SLIT2: variants seen among roughly 807,000 people sequenced by gnomAD.
The protein encoded by SLIT2 is slit guidance ligand 2.
SLIT2 carries 41 observed loss-of-function variants against 185.7 expected under a neutral mutation model. That is an observed-to-expected ratio of 0.22 (90% confidence interval 0.17 to 0.29). The LOEUF is 0.29. Among genes scored for constraint, SLIT2 ranks in the 10% least tolerant of loss-of-function variants. SLIT2 has a pLI of 1.00. For synonymous variants in SLIT2, 693 were observed against 680.2 expected (o/e 1.02, Z -0.29); for missense variants, 1,571 against 1,909.0 (o/e 0.82, Z 3.30).
chr4:20,575,908 G>A (rs943364917), intron 29 of SLIT2, among the ~76,000 whole-genome samples: 10 of 151,374 alleles, frequency 6.6e-5, no homozygotes, highest in Non-Finnish European at 2.9e-5. Flanking sequence ...TAGGTAAGGG[G>A]AAAAGTTCGG....
chr4:20,461,282 G>T (rs567710107), intron 4 of SLIT2, among the ~76,000 whole-genome samples: 6 of 152,194 alleles, frequency 3.9e-5, no homozygotes, highest in Non-Finnish European at 8.8e-5. Flanking sequence ...AAGGAATGAG[G>T]TGGAAATAGA....
intron 9 of SLIT2, among the ~76,000 whole-genome samples, chr4:20,501,290 T>C (rs1024988932): frequency 5.3e-5 from 8 of 152,106 alleles, no homozygotes; most frequent in Non-Finnish European, 1.0e-4. Flanking sequence ...ATGTTAATTT[T>C]TTTTGGGGGG....
At position 20,567,276 on chromosome 4, in the gene SLIT2, A is replaced by G; in HGVS notation, c.2740A>G (p.Asn914Asp). 6.2e-7 allele frequency: 1 copy of G among 1,609,336 alleles called. No homozygotes were observed. ...TTAATTTTCAGGTCCTGTGGATGTC[A>G]ATATTCTAGCTAAGTGTAACCCCTG... Reference protein sequence around the residue: ...KFTCQGPVDVNILAKCNPCLS... With the variant: ...KFTCQGPVDVDILAKCNPCLS... Residue 914 changes from asparagine to aspartate, a missense_variant, in exon 27 of 37, where the codon AAT (asparagine) becomes GAT (aspartate). By Grantham distance (23) the Asn-to-Asp change is conservative. This residue lies in a region of SLIT2 where 1,202 missense variants were observed against 1,416.4 expected (regional missense o/e 0.85). Coordinates refer to ENST00000504154, the MANE Select transcript of SLIT2 (RefSeq NM_004787.4).
At chr4:20,367,239 G>A (rs1199534837) in intron 4 of SLIT2, among the ~76,000 whole-genome samples, 2 of 152,140 alleles carry the variant, frequency 1.3e-5, no homozygotes, top group Non-Finnish European at 2.9e-5. Context: ...TGCTTACTCT[G>A]TGATAAGGCA....
Position 20,254,139 on chromosome 4 carries a change from C to A in SLIT2, c.179+145C>A. On this transcript the variant is annotated intron_variant, in intron 1 of 36. Coordinates refer to ENST00000504154, the MANE Select transcript of SLIT2 (RefSeq NM_004787.4). This position sits in a 1 kb window ranked among gnomAD's most constrained non-coding sequence, Gnocchi z 5.1. ...ATGCACATCCTGGGGTTGAGCTCTCCGGGAGGGCACTGGCCAGGGAAGGGC... is the reference window on the plus strand; with the variant it reads ...ATGCACATCCTGGGGTTGAGCTCTCAGGGAGGGCACTGGCCAGGGAAGGGC... 3 of 818,502 alleles carry A rather than the reference C, an allele frequency of 3.7e-6. No individual in the cohort carries two copies. Among genetic ancestry groups the A allele is most frequent in the Non-Finnish European group, 5.7e-6 (3 of 527,344 alleles). 50.7% of individuals were successfully genotyped at this position (818,502 alleles called of 1,614,324 possible).
At chr4:20,545,214 G>GTA (rs1333818144) in intron 21 of SLIT2, among the ~76,000 whole-genome samples, 1 of 152,008 alleles carries the variant, frequency 6.6e-6, no homozygotes, top group Non-Finnish European at 1.5e-5. Flanking sequence ...GTGGGCACAT[G>GTA]TATAGCCAGA....
intron 4 of SLIT2, among the ~76,000 whole-genome samples, chr4:20,307,573 T>A (rs1717703485): frequency 6.6e-6 from 1 of 152,154 alleles, no homozygotes; most frequent in Admixed American, 6.5e-5. Flanking sequence ...TTCTTATTCT[T>A]GTTAGACATT....
intron 20 of SLIT2, 147 bp downstream of exon 20, chr4:20,541,766 G>A: frequency 1.8e-5 from 12 of 663,500 alleles, no homozygotes. Context: ...TTTAGTGCCA[G>A]GACACTTACT....
rs537276757 is a variant in SLIT2 at position 20,580,362 on chromosome 4, C to T, written c.3089-9282C>T. Among the ~76,000 whole-genome samples the T allele has an allele frequency of 2.0e-5, 3 of 150,734 alleles. No individual in the cohort carries two copies. The East Asian group carries it at 5.9e-4, about 29-fold the overall frequency. Reference sequence around the variant, plus strand: ...TGATATAATGTAAAGTAATAAAACACTTTCAGGATTATTTTTATACTTAAT... The same window carrying T: ...TGATATAATGTAAAGTAATAAAACATTTTCAGGATTATTTTTATACTTAAT... On this transcript the variant is annotated intron_variant, in intron 29 of 36. Coordinates refer to ENST00000504154, the MANE Select transcript of SLIT2 (RefSeq NM_004787.4).
rs1418214790 is a variant in SLIT2 at position 20,522,265 on chromosome 4, G to T, written c.1131-1495G>T. The stretch of plus-strand genomic sequence containing the variant: ...TCATCTATAAAACTGTCCTGTATGT[G>T]TTTCCAAAGGCATTAGGCCCAGCAC... On this transcript the variant is annotated intron_variant, in intron 12 of 36. Coordinates refer to ENST00000504154, the MANE Select transcript of SLIT2 (RefSeq NM_004787.4). Among the ~76,000 whole-genome samples the T allele has an allele frequency of 2.6e-5, 4 of 152,226 alleles. No individual in the cohort carries two copies. In the East Asian group the frequency reaches 7.7e-4, roughly 29 times the overall value.
At chr4:20,467,647 T>A (rs1407420827) in intron 4 of SLIT2, 105 bp from the exon 5 acceptor site, 17 of 598,986 alleles carry the variant, frequency 2.8e-5, no homozygotes, top group Non-Finnish European at 1.1e-5. Flanking sequence ...CTTTTAGGGT[T>A]TTCTTTTTTC....
chr4:20,279,542 C>T (rs10516348), intron 4 of SLIT2, among the ~76,000 whole-genome samples: 5,750 of 152,186 alleles, frequency 0.038, 273 homozygotes, highest in East Asian at 0.11. Flanking sequence ...TAATGTGGTA[C>T]AGATGGTTGA....
chr4:20,389,964 T>C (rs536473996), intron 4 of SLIT2, among the ~76,000 whole-genome samples: 5 of 152,262 alleles, frequency 3.3e-5, no homozygotes, highest in East Asian at 1.9e-4. Flanking sequence ...ATTATCCAGC[T>C]TTCTATTCTT....
intron 4 of SLIT2, among the ~76,000 whole-genome samples, chr4:20,324,147 C>G (rs1053399168): frequency 2.6e-5 from 4 of 152,142 alleles, no homozygotes; most frequent in African/African-American, 9.7e-5. Flanking sequence ...ACAGCACGAG[C>G]AAACCAGACT....
intron 4 of SLIT2, among the ~76,000 whole-genome samples, chr4:20,414,419 T>C (rs1223844918): frequency 1.3e-5 from 2 of 152,306 alleles, no homozygotes. Flanking sequence ...ATTTATACTA[T>C]CTTTTATATT....
At chr4:20,534,899 A>G (rs777518539) in intron 18 of SLIT2, among the ~76,000 whole-genome samples, 14 of 152,188 alleles carry the variant, frequency 9.2e-5, no homozygotes, top group Non-Finnish European at 2.9e-5. Flanking sequence ...AATAGCCTGA[A>G]ACCTGACCAC....
intron 4 of SLIT2, among the ~76,000 whole-genome samples, chr4:20,332,680 A>G (rs1482504240): frequency 6.6e-6 from 1 of 152,096 alleles, no homozygotes; most frequent in Non-Finnish European, 1.5e-5. Context: ...TCTCAAAAAA[A>G]AACAAAAACA....
chr4:20,299,697 C>A (rs563192114), intron 4 of SLIT2, among the ~76,000 whole-genome samples: 1 of 150,362 alleles, frequency 6.7e-6, no homozygotes, highest in South Asian at 2.1e-4. Context: ...ATGTGATGGT[C>A]AAAAATGTGG....
At chr4:20,501,867 A>G (rs1560480017) in intron 9 of SLIT2, among the ~76,000 whole-genome samples, 2 of 152,196 alleles carry the variant, frequency 1.3e-5, no homozygotes, top group African/African-American at 4.8e-5. Context: ...TATTGAAAGA[A>G]TAGTAGAAAA....
Sources: allele counts gnomAD v4.1 joint callset (sites outside exome capture counted in the v4.1 genomes callset), GRCh38; gene constraint gnomAD v4.1.1; regional missense constraint gnomAD v4.1.1; non-coding constraint Gnocchi (gnomAD v3.1); transcripts MANE v1.5; gene names NCBI Gene and HGNC (gene_info 2026-07-23, HGNC 2026-07-21).